The following ANKRD46 variants were observed in gnomAD, a reference collection of about 807,000 sequenced individuals.
ANKRD46 encodes ankyrin repeat domain 46.
ANKRD46 carries 13 observed loss-of-function variants against 19.8 expected under a neutral mutation model. The observed-to-expected ratio is 0.66, with a 90% CI of 0.43 to 1.04. ANKRD46 has a LOEUF of 1.04. Ranked by LOEUF, ANKRD46 falls within the 50% of genes least tolerant of loss-of-function variation. The pLI is 0.00. For synonymous variants in ANKRD46, 91 were observed against 106.9 expected, an observed-to-expected ratio of 0.85 and a Z score of 0.92; for missense variants, 185 against 274.8, an observed-to-expected ratio of 0.67 and a Z score of 2.31.
At chr8:100,558,791 G>A (rs1474386122) in intron 1 of ANKRD46, among the ~76,000 whole-genome samples, 2 of 152,044 alleles carry the variant, frequency 1.3e-5, no homozygotes, top group African/African-American at 4.8e-5. Flanking sequence ...TCAGACTCTC[G>A]GTGCCTCAGT....
rs1165804465 is a variant in ANKRD46 at position 100,536,668 on chromosome 8, CAT to C, written c.-130-3359_-130-3358del. ...CTGGTTCCTGGCAGAGGAAAAACCA[CAT>C]AGTCTAGTGCAAGAACAGTCAATAT... is the stretch of plus-strand genomic sequence containing the variant. On this transcript the variant is annotated intron_variant, in intron 1 of 4. Transcript: ENST00000335659. The surrounding 1 kb of genome is among the most constrained non-coding windows in gnomAD (Gnocchi z 4.9). Among the ~76,000 whole-genome samples, 3 of 152,194 alleles carry C rather than the reference CAT, an allele frequency of 2.0e-5. No homozygotes were observed. The highest frequency in any genetic ancestry group is 2.9e-5 in the Non-Finnish European group (2 of 68,038).
intron 4 of ANKRD46, among the ~76,000 whole-genome samples, chr8:100,523,615 T>C (rs1290843232): frequency 6.6e-6 from 1 of 152,206 alleles, no homozygotes; most frequent in Non-Finnish European, 1.5e-5. Context: ...CTCAGCCTGT[T>C]GTACATGTGG....
downstream of ANKRD46, among the ~76,000 whole-genome samples, chr8:100,517,726 C>T (rs1323693874): frequency 6.6e-6 from 1 of 152,204 alleles, no homozygotes; most frequent in Non-Finnish European, 1.5e-5. Flanking sequence ...AGGAATTAAC[C>T]TCATCCCAAA....
rs1359942248 is a variant in ANKRD46, at chr8:100,534,492, T to C, written c.-130-1181A>G. On this transcript the variant is annotated intron_variant, in intron 1 of 4. Transcript: ENST00000335659. The surrounding 1 kb of genome is among the most constrained non-coding windows in gnomAD (Gnocchi z 4.2). Reference sequence around the variant, plus strand: ...TTGATTTCCTTAAACAAATATTATGTATTCACCCAAAGCCTAATATTTTTC... The same window carrying C: ...TTGATTTCCTTAAACAAATATTATGCATTCACCCAAAGCCTAATATTTTTC... Among the ~76,000 whole-genome samples the C allele has an allele frequency of 1.3e-5, 2 of 152,232 alleles. No homozygotes were observed. Among genetic ancestry groups the C allele is most frequent in the East Asian group, 1.9e-4 (1 of 5,196 alleles).
In ANKRD46 at chr8:100,522,418, G is replaced by A. The variant is rs1586779561; in HGVS notation, c.*137C>T. On this transcript the variant is annotated 3_prime_UTR_variant, in exon 5 of 5. Coordinates refer to ENST00000335659, the MANE Select transcript of ANKRD46 (RefSeq NM_001270377.2). ...AAATGAACACATCATTATCTAAAAG[G>A]ATTACAATAATTAAAAATGCAAAAA... 2 of 1,448,204 alleles carry A rather than the reference G, an allele frequency of 1.4e-6. No homozygotes were observed. The highest frequency in any genetic ancestry group is 2.5e-5 in the East Asian group (1 of 40,218). The allele number at this position is 1,448,204 out of a possible 1,614,324, so 89.7% of individuals were successfully genotyped here. A position where few individuals can be genotyped will look rare whatever the true frequency, so the allele number is the denominator to read the frequency against.
intron 2 of ANKRD46, among the ~76,000 whole-genome samples, chr8:100,530,335 A>G (rs1390188156): frequency 1.3e-5 from 2 of 152,202 alleles, no homozygotes; most frequent in Admixed American, 1.3e-4. Context: ...AACTACTTGC[A>G]TGAAAAGAAC....
chr8:100,551,960 G>A (rs1011426970), intron 1 of ANKRD46, among the ~76,000 whole-genome samples: 3 of 151,976 alleles, frequency 2.0e-5, no homozygotes, highest in African/African-American at 4.8e-5. Context: ...GACCAGCCTG[G>A]CCAACATGGT....
At chr8:100,533,957 T>G (rs954957969) in intron 1 of ANKRD46, among the ~76,000 whole-genome samples, 1 of 152,186 alleles carries the variant, frequency 6.6e-6, no homozygotes, top group African/African-American at 2.4e-5. Context: ...TGAGAGAGAC[T>G]ACGAGGGCAC....
chr8:100,522,186 T>C lies in ANKRD46; in HGVS notation c.*369A>G. ...CAAAAACTAATCATATAAGATACTG[T>C]TTTTCTTTTTGAATACTTCAATTGG... On this transcript the variant is annotated 3_prime_UTR_variant, in exon 5 of 5. Transcript: ENST00000335659. 9.9e-7 allele frequency: 1 copy of C among 1,005,584 alleles called. No homozygotes were observed. Among genetic ancestry groups the C allele is most frequent in the Non-Finnish European group, 1.2e-6 (1 of 841,754 alleles). The allele number at this position is 1,005,584 out of a possible 1,614,324, so 62.3% of individuals were successfully genotyped here. A position where few individuals can be genotyped will look rare whatever the true frequency, so the allele number is the denominator to read the frequency against.
chr8:100,514,426 G>A (rs1469490184), intron 5 of ANKRD46, among the ~76,000 whole-genome samples: 1 of 151,674 alleles, frequency 6.6e-6, no homozygotes. Flanking sequence ...ATTTCCCTAG[G>A]TCAGAGCTTA....
intron 1 of ANKRD46, among the ~76,000 whole-genome samples, chr8:100,555,344 T>A (rs1468727351): frequency 6.7e-6 from 1 of 148,408 alleles, no homozygotes; most frequent in Non-Finnish European, 1.5e-5. Flanking sequence ...TAGATCTACA[T>A]GAAGAAAAGC....
chr8:100,539,762 C>T (rs2130681228), intron 1 of ANKRD46, among the ~76,000 whole-genome samples: 1 of 152,138 alleles, frequency 6.6e-6, no homozygotes, highest in East Asian at 1.9e-4. Context: ...TAAAGACAGG[C>T]CACTAGCCAG....
Position 100,527,458 on chromosome 8 carries a change from CA to C in ANKRD46, c.470+386del, listed in dbSNP as rs1811863260. The stretch of plus-strand genomic sequence containing the variant: ...TTTTGTGACCTGTACTTAAAATCAT[CA>C]AGCTCCGGCTTCCTCCCCTCAGATT... On this transcript the variant is annotated intron_variant, in intron 4 of 4. Transcript: ENST00000335659. The surrounding 1 kb of genome is among the most constrained non-coding windows in gnomAD (Gnocchi z 4.0). 6.6e-6 allele frequency among the ~76,000 whole-genome samples: 1 copy of C among 152,148 alleles called. No individual in the cohort carries two copies. Among genetic ancestry groups the C allele is most frequent in the African/African-American group, 2.4e-5 (1 of 41,426 alleles).
chr8:100,519,238 T>TA (rs1305048670), downstream of ANKRD46, among the ~76,000 whole-genome samples: 1 of 152,232 alleles, frequency 6.6e-6, no homozygotes, highest in Non-Finnish European at 1.5e-5. Context: ...GGGTACATGA[T>TA]ATCATGTCAG....
Position 100,557,245 on chromosome 8 carries a change from T to TCAC in ANKRD46, c.-131+2465_-131+2466insGTG, listed in dbSNP as rs556817193. Among the ~76,000 whole-genome samples the TCAC allele has an allele frequency of 8.6e-4, 131 of 152,326 alleles. No homozygotes were observed. Among genetic ancestry groups the TCAC allele is most frequent in the African/African-American group, 3.0e-3 (125 of 41,572 alleles). On this transcript the variant is annotated intron_variant, in intron 1 of 4. Transcript: ENST00000335659. The surrounding 1 kb of genome is among the most constrained non-coding windows in gnomAD (Gnocchi z 5.9). Reference sequence around the variant, plus strand: ...AAACTGGCTCCACCTACCTTCACACTCAGTCTTCTCCATCTCAGTACACTG... The same window carrying TCAC: ...AAACTGGCTCCACCTACCTTCACACTCACCAGTCTTCTCCATCTCAGTACACTG...
At chr8:100,523,052 G>T (rs189320375) in intron 4 of ANKRD46, among the ~76,000 whole-genome samples, 2 of 152,012 alleles carry the variant, frequency 1.3e-5, no homozygotes, top group Non-Finnish European at 2.9e-5. Context: ...TCCTGGCTGG[G>T]CGTGGTAGCT....
intron 1 of ANKRD46, among the ~76,000 whole-genome samples, chr8:100,547,898 C>T (rs1009494611): frequency 6.6e-6 from 1 of 152,190 alleles, no homozygotes; most frequent in African/African-American, 2.4e-5. Flanking sequence ...CAATGTCTTC[C>T]TAACTGGTCT....
rs549829438 is a variant in ANKRD46 at position 100,522,851 on chromosome 8, AG to A, written c.471-81del. 774 of 1,039,478 alleles carry A rather than the reference AG, an allele frequency of 7.4e-4. 6 individuals carry two copies. The African/African-American group carries it at 0.012, about 16-fold the overall frequency. 64.4% of individuals were successfully genotyped at this position (1,039,478 alleles called of 1,614,324 possible). A position where few individuals can be genotyped will look rare whatever the true frequency, so the allele number is the denominator to read the frequency against. ...ACATAAAACCACAGGGCTACTATTT[AG>A]AAAAGACCAAATACACACACACACA... On this transcript the variant is annotated intron_variant, in intron 4 of 4. Transcript: ENST00000335659.
Position 100,510,569 on chromosome 8 carries a change from C to T in ANKRD46, c.*8G>A. ...GAGGCTCAGGAGCACAGGACACTGA[C>T]CTAGAGATTAGATGGCCTGGATTCG... is the stretch of plus-strand genomic sequence containing the variant. On this transcript the variant is annotated 3_prime_UTR_variant, in exon 6 of 6. Coordinates refer to the ANKRD46 transcript ENST00000520552. The surrounding 1 kb of genome is among the most constrained non-coding windows in gnomAD (Gnocchi z 4.9). 6.5e-7 allele frequency: 1 copy of T among 1,535,284 alleles called. No homozygotes were observed. Among genetic ancestry groups the T allele is most frequent in the Non-Finnish European group, 8.7e-7 (1 of 1,146,564 alleles).
Sources: allele counts gnomAD v4.1 joint callset (sites outside exome capture counted in the v4.1 genomes callset), GRCh38; gene constraint gnomAD v4.1.1; non-coding constraint Gnocchi (gnomAD v3.1); transcripts MANE v1.5; gene names NCBI Gene and HGNC (gene_info 2026-07-23, HGNC 2026-07-21).